The following KAT5 variants were observed in gnomAD, a reference collection of about 807,000 sequenced individuals.
KAT5 encodes the protein lysine acetyltransferase 5.
KAT5 carries 31 observed loss-of-function variants against 68.1 expected under a neutral mutation model. The observed-to-expected ratio is 0.46, with a 90% CI of 0.34 to 0.61. The LOEUF (loss-of-function observed/expected upper bound fraction) is 0.61. Ranked by LOEUF, KAT5 falls within the 20% of genes least tolerant of loss-of-function variation. The pLI is 0.01. For synonymous variants in KAT5, 365 were observed against 292.6 expected (o/e 1.25, Z -2.52); for missense variants, 451 against 725.5 (o/e 0.62, Z 4.35).
At position 65,712,338 on chromosome 11, in the gene KAT5, G is replaced by GC. The variant is rs1454025001; in HGVS notation, c.77dup (p.Val27SerfsTer32). On this transcript the variant is annotated frameshift_variant, in exon 1 of 13. Transcript: ENST00000341318. LOFTEE classifies it high-confidence loss of function. ...CCAGGGGAGGTGGGTAGAGCCCGAG[G>GC]CCCCCCAGTAGCCGACCCTGGCGTC... 2.6e-6 allele frequency: 4 copies of GC among 1,521,482 alleles called. No homozygotes were observed. Among genetic ancestry groups the GC allele is most frequent in the Non-Finnish European group, 1.7e-6 (2 of 1,144,458 alleles). The allele number at this position is 1,521,482 out of a possible 1,614,324, so 94.2% of individuals were successfully genotyped here. A position where few individuals can be genotyped will look rare whatever the true frequency, so the allele number is the denominator to read the frequency against.
intron 12 of KAT5, 26 bp downstream of exon 12, chr11:65,718,980 G>A (rs1261343492): frequency 6.2e-7 from 1 of 1,614,024 alleles, no homozygotes; most frequent in Non-Finnish European, 8.5e-7. Flanking sequence ...GGGGAGACAG[G>A]TGTGTGGGAT....
chr11:65,718,415 G>A, intron 10 of KAT5, 175 bp from the exon 11 acceptor site: 1 of 676,650 alleles, frequency 1.5e-6, no homozygotes, highest in South Asian at 1.8e-5. Context: ...CGGAAAGAGT[G>A]AATACTCAGT....
rs1201018592 is a variant in KAT5 at position 65,719,485 on chromosome 11, G to T, written c.*304G>T. On this transcript the variant is annotated 3_prime_UTR_variant, in exon 13 of 13. Coordinates refer to ENST00000341318, the MANE Select transcript of KAT5 (RefSeq NM_182710.3). Reference sequence around the variant, plus strand: ...ATGGGGGAGCTCTGTACAGAGGGCTGGTGATTGTAAAAATTTCTTTTGTAA... The same window carrying T: ...ATGGGGGAGCTCTGTACAGAGGGCTTGTGATTGTAAAAATTTCTTTTGTAA... 2 of 609,356 alleles carry T rather than the reference G, an allele frequency of 3.3e-6. No homozygotes were observed. Among genetic ancestry groups the T allele is most frequent in the Non-Finnish European group, 5.8e-6 (2 of 345,998 alleles). The allele number at this position is 609,356 out of a possible 1,614,324, so 37.7% of individuals were successfully genotyped here.
In KAT5 at chr11:65,714,491, G is replaced by A. The variant is rs2135628854; in HGVS notation, c.691-4G>A. ...ACCTGGTATTTTCCACTGGCCCTGG[G>A]CAGGACTCCCAGGACAGCTCTGATG... On this transcript the variant is annotated splice_polypyrimidine_tract_variant and splice_region_variant and intron_variant, in intron 6 of 12. Transcript: ENST00000341318. 1 of 1,613,402 alleles carries A rather than the reference G, an allele frequency of 6.2e-7. No homozygotes were observed. Among genetic ancestry groups the A allele is most frequent in the South Asian group, 1.1e-5 (1 of 91,064 alleles).
chr11:65,712,635 C>G (rs372327414), intron 1 of KAT5, 131 bp from the exon 2 acceptor site: 3 of 1,262,984 alleles, frequency 2.4e-6, no homozygotes, highest in Non-Finnish European at 3.4e-6. Flanking sequence ...GCACTTGTGA[C>G]TGAAGGAGGC....
intron 1 of KAT5, 38 bp from the exon 2 acceptor site, chr11:65,712,728 T>C (rs757195078): frequency 1.8e-5 from 29 of 1,609,442 alleles, no homozygotes; most frequent in Non-Finnish European, 8.5e-7. Flanking sequence ...TCTCATAGCC[T>C]GGCCTGTCTA....
rs767015066 is a variant in KAT5, at chr11:65,713,461, G to A, written c.498G>A (p.Pro166=). 2.5e-6 allele frequency: 4 copies of A among 1,613,994 alleles called. No individual in the cohort carries two copies. Among genetic ancestry groups the A allele is most frequent in the African/African-American group, 2.7e-5 (2 of 74,910 alleles). Residue 166 remains proline, a synonymous_variant, in exon 4 of 13, where the codon CCG becomes CCA. Coordinates refer to ENST00000341318, the MANE Select transcript of KAT5 (RefSeq NM_182710.3). ...EAIPGGEPDQ[P]LSSSSCLQPN... Reference sequence around the variant, plus strand: ...TTCCCGGTGGCGAGCCTGACCAGCCGCTCTCCTCCAGCTCCTGCCTGCAGC... The same window carrying A: ...TTCCCGGTGGCGAGCCTGACCAGCCACTCTCCTCCAGCTCCTGCCTGCAGC...
At position 65,718,696 on chromosome 11, in the gene KAT5, G is replaced by T; in HGVS notation, c.1371G>T (p.Glu457Asp). ...YRSYWSQTIL[E>D]ILMGLKSESG... The stretch of plus-strand genomic sequence containing the variant: ...GCTACTGGTCCCAGACCATCCTGGA[G>T]ATCCTGATGGGGCTGAAGTCGGAGA... The change falls in exon 11 of 13, where the codon GAG (glutamate) becomes GAT (aspartate). Residue 457 changes from glutamate to aspartate, a missense_variant. This residue lies in a region of KAT5 where 210 missense variants were observed against 423.7 expected (regional missense o/e 0.50). Transcript: ENST00000341318. The T allele has an allele frequency of 5.6e-6, 9 of 1,614,220 alleles. No homozygotes were observed. Among genetic ancestry groups the T allele is most frequent in the Non-Finnish European group, 7.6e-6 (9 of 1,180,036 alleles).
chr11:65,713,648 C>T lies in KAT5; in HGVS notation c.596C>T (p.Pro199Leu), dbSNP rs781591253. ...PATPVPSETA[P>L]ASVFPQNGAA... is the part of the protein sequence containing the mutation. ...ACTCCAGTGCCCAGCGAGACAGCCC[C>T]GGCCTCGGTTTTTCCCCAGGTGAGT... The change falls in exon 5 of 13, where the codon CCG (proline) becomes CTG (leucine). Residue 199 changes from proline (P) to leucine (L), a missense_variant. Transcript: ENST00000341318. 1.9e-6 allele frequency: 3 copies of T among 1,614,212 alleles called. No homozygotes were observed. The highest frequency in any genetic ancestry group is 1.1e-5 in the South Asian group (1 of 91,078).
Position 65,719,288 on chromosome 11 carries a change from A to T in KAT5, c.*107A>T. On this transcript the variant is annotated 3_prime_UTR_variant, in exon 13 of 13. Transcript: ENST00000341318. ...AAGCACTCTAAGGGAGATGGGGCTG[A>T]GGACAGCTCAAAAAGGAGAGGACAG... The T allele has an allele frequency of 7.5e-7, 1 of 1,341,222 alleles. No individual in the cohort carries two copies. Among genetic ancestry groups the T allele is most frequent in the Non-Finnish European group, 1.0e-6 (1 of 982,502 alleles). The allele number at this position is 1,341,222 out of a possible 1,614,324, so 83.1% of individuals were successfully genotyped here.
rs776786320 is a variant in KAT5, at chr11:65,717,250, C to A, written c.1264+268C>A. 4 of 553,350 alleles carry A rather than the reference C, an allele frequency of 7.2e-6. No individual in the cohort carries two copies. In the South Asian group the frequency reaches 8.1e-5, roughly 11 times the overall value. 34.3% of individuals were successfully genotyped at this position (553,350 alleles called of 1,614,324 possible). A position where few individuals can be genotyped will look rare whatever the true frequency, so the allele number is the denominator to read the frequency against. ...TTTCCCCAAATCTGACTTACGTGCT[C>A]CTGCCTGGAGCCATGGGCAGAAGGT... On this transcript the variant is annotated intron_variant, in intron 10 of 12. Transcript: ENST00000341318.
chr11:65,716,528 C>G, intron 8 of KAT5, 139 bp from the exon 9 acceptor site: 1 of 783,604 alleles, frequency 1.3e-6, no homozygotes. Context: ...TGGAGTGGGT[C>G]AGGCCCAGCC....
intron 10 of KAT5, 111 bp downstream of exon 10, chr11:65,717,093 G>C: frequency 1.2e-6 from 1 of 863,186 alleles, no homozygotes; most frequent in Non-Finnish European, 1.9e-6. Context: ...CCAGCCTCTA[G>C]GGGAACCAGC....
At chr11:65,712,632 T>G in intron 1 of KAT5, 134 bp from the exon 2 acceptor site, 1 of 1,248,146 alleles carries the variant, frequency 8.0e-7, no homozygotes, top group Non-Finnish European at 1.1e-6. Context: ...GTGGCACTTG[T>G]GACTGAAGGA....
At chr11:65,712,479 T>C in intron 1 of KAT5, 34 bp downstream of exon 1, 2 of 1,516,620 alleles carry the variant, frequency 1.3e-6, no homozygotes, top group South Asian at 1.2e-5. Context: ...CTAAGGAACC[T>C]GAGGGCGAGG....
intron 6 of KAT5, chr11:65,714,249 C>T (rs774401827): frequency 1.1e-5 from 6 of 563,912 alleles, no homozygotes; most frequent in Non-Finnish European, 1.9e-5. Context: ...GAGCCAAGAT[C>T]GCGCTACTGC....
intron 8 of KAT5, among the ~76,000 whole-genome samples, chr11:65,715,548 C>G (rs1857161788): frequency 6.6e-6 from 1 of 151,536 alleles, no homozygotes; most frequent in Non-Finnish European, 1.5e-5. Flanking sequence ...ATCACAAGGT[C>G]AGGAGATCGA....
In KAT5 at chr11:65,713,638, G is replaced by A. The variant is rs757474102; in HGVS notation, c.586G>A (p.Glu196Lys). 8.7e-6 allele frequency: 14 copies of A among 1,614,006 alleles called. No individual in the cohort carries two copies. The highest frequency in any genetic ancestry group is 6.7e-5 in the Admixed American group (4 of 60,006). Residue 196 changes from glutamate (E) to lysine (K), a missense_variant, in exon 5 of 13, where the codon GAG (glutamate) becomes AAG (lysine). Physicochemically the swap from Glu to Lys is moderately conservative, Grantham distance 56. Around this residue, in one of 4 missense-constraint regions of KAT5, gnomAD observed 135 missense variants for 173.4 expected, o/e 0.78. Coordinates refer to ENST00000341318, the MANE Select transcript of KAT5 (RefSeq NM_182710.3). ...VVSPATPVPSETAPASVFPQN... is the reference protein window; with the variant it reads ...VVSPATPVPSKTAPASVFPQN... ...TTCACCAGCAACTCCAGTGCCCAGC[G>A]AGACAGCCCCGGCCTCGGTTTTTCC...
In KAT5 at chr11:65,719,170, G is replaced by A; in HGVS notation, c.1630G>A (p.Gly544Arg). The change falls in exon 13 of 13, where the codon GGG becomes AGG. Residue 544 changes from glycine to arginine, a missense_variant. Physicochemically the swap from Gly to Arg is moderately radical, Grantham distance 125. Around this residue, in one of 4 missense-constraint regions of KAT5, gnomAD observed 210 missense variants for 423.7 expected, o/e 0.50. Transcript: ENST00000341318. ...HFTPKDWSKR[G>R]KW is the part of the protein sequence containing the mutation. ...CACTCCCAAGGACTGGAGCAAGAGG[G>A]GGAAGTGGTGACCAGACACTGCCCA... The A allele has an allele frequency of 6.2e-7, 1 of 1,613,976 alleles. No homozygotes were observed. The highest frequency in any genetic ancestry group is 8.5e-7 in the Non-Finnish European group (1 of 1,179,990).
Sources: allele counts gnomAD v4.1 joint callset (sites outside exome capture counted in the v4.1 genomes callset), GRCh38; gene constraint gnomAD v4.1.1; regional missense constraint gnomAD v4.1.1; transcripts MANE v1.5; gene names NCBI Gene and HGNC (gene_info 2026-07-23, HGNC 2026-07-21).